Variants in GLB1 observed in about 807,000 individuals in gnomAD.
GLB1 encodes the protein galactosidase beta 1, also known as beta-galactosidase.
Under a neutral mutation model 74.0 loss-of-function variants are expected in GLB1, and 56 were observed. The ratio of observed to expected loss-of-function variants is 0.76; its 90% CI spans 0.61 to 0.94. The LOEUF is 0.94. Ranked by LOEUF, GLB1 falls within the 40% of genes least tolerant of loss-of-function variation. GLB1 has a pLI of 0.00. For synonymous variants in GLB1, 323 were observed against 323.6 expected (o/e 1.00, Z 0.02); for missense variants, 787 against 845.5 (o/e 0.93, Z 0.86).
At chr3:33,046,037 A>G (rs1698725935) in intron 10 of GLB1, 83 bp downstream of exon 10, 3 of 1,519,338 alleles carry the variant, frequency 2.0e-6, no homozygotes, top group Non-Finnish European at 2.7e-6. Flanking sequence ...GGCTCCAGGC[A>G]GGAAGTTGTC....
intron 10 of GLB1, chr3:33,037,909 G>C (rs1252247642): frequency 6.6e-6 from 1 of 151,976 alleles, no homozygotes; most frequent in East Asian, 1.9e-4. Flanking sequence ...TGTGGAAGGA[G>C]GGTACCTTGC....
At chr3:33,073,561 G>A (rs781477730) in intron 1 of GLB1, among the ~76,000 whole-genome samples, 3 of 152,032 alleles carry the variant, frequency 2.0e-5, no homozygotes, top group African/African-American at 4.8e-5. Context: ...GGTGGTGCAC[G>A]TCTATAATCC....
At chr3:33,015,862 T>C (rs564836739) in intron 14 of GLB1, among the ~76,000 whole-genome samples, 3 of 152,326 alleles carry the variant, frequency 2.0e-5, no homozygotes, top group African/African-American at 7.2e-5. Context: ...ATTGTTCCCT[T>C]GATAAGGCAT....
intron 5 of GLB1, among the ~76,000 whole-genome samples, chr3:33,059,803 T>A (rs1031587226): frequency 6.6e-6 from 1 of 152,164 alleles, no homozygotes; most frequent in African/African-American, 2.4e-5. Context: ...ATTTCATTTA[T>A]AAAAAATTAA....
At chr3:33,027,188 G>A (rs1697801989) in intron 10 of GLB1, among the ~76,000 whole-genome samples, 2 of 152,214 alleles carry the variant, frequency 1.3e-5, no homozygotes, top group African/African-American at 4.8e-5. Flanking sequence ...CCTGATGCCA[G>A]CCAGAGAAGC....
chr3:33,003,484 T>C (rs1696660385), intron 15 of GLB1, among the ~76,000 whole-genome samples: 1 of 152,240 alleles, frequency 6.6e-6, no homozygotes, highest in Non-Finnish European at 1.5e-5. Flanking sequence ...ACAAGTTTTG[T>C]TGCTAAATTA....
intron 10 of GLB1, among the ~76,000 whole-genome samples, chr3:33,044,785 C>T (rs1240467715): frequency 6.6e-6 from 1 of 151,850 alleles, no homozygotes; most frequent in Admixed American, 6.6e-5. Flanking sequence ...AGGCAGAAAA[C>T]CTTTGTTTTT....
At chr3:33,009,858 T>C (rs1696949642) in intron 15 of GLB1, among the ~76,000 whole-genome samples, 1 of 152,232 alleles carries the variant, frequency 6.6e-6, no homozygotes, top group African/African-American at 2.4e-5. Flanking sequence ...AATGGAGTCA[T>C]ACAATACATA....
Position 33,090,692 on chromosome 3 carries a change from A to T in GLB1, c.75+6319T>A, listed in dbSNP as rs1402733412. On this transcript the variant is annotated intron_variant, in intron 1 of 15. Coordinates refer to ENST00000307363, the MANE Select transcript of GLB1 (RefSeq NM_000404.4). ...TCATGGAGACCTGCCCACCAGGGCC[A>T]GAATCTGGACAGTGATGGAGAAATT... 3.0e-6 allele frequency: 3 copies of T among 985,352 alleles called. No homozygotes were observed. In the African/African-American group the frequency reaches 5.2e-5, roughly 17 times the overall value. 61.0% of individuals were successfully genotyped at this position (985,352 alleles called of 1,614,324 possible). A position where few individuals can be genotyped will look rare whatever the true frequency, so the allele number is the denominator to read the frequency against.
intron 14 of GLB1, among the ~76,000 whole-genome samples, chr3:33,016,120 G>C (rs1022750191): frequency 6.6e-6 from 1 of 152,190 alleles, no homozygotes; most frequent in Non-Finnish European, 1.5e-5. Context: ...TTTGCCACAG[G>C]CTAACCATCC....
chr3:33,062,306 C>T (rs1045824475), intron 5 of GLB1, among the ~76,000 whole-genome samples: 7 of 151,986 alleles, frequency 4.6e-5, no homozygotes, highest in African/African-American at 1.7e-4. Context: ...TGGCTGGGAA[C>T]ACGGGTGCAT....
intron 12 of GLB1, among the ~76,000 whole-genome samples, chr3:33,019,485 C>T (rs1165685377): frequency 6.6e-6 from 1 of 152,082 alleles, no homozygotes; most frequent in Non-Finnish European, 1.5e-5. Context: ...AGAAAAGTTT[C>T]CCTACTTCTA....
At position 33,053,481 on chromosome 3, in the gene GLB1, C is replaced by T. The variant is rs79518579; in HGVS notation, c.792+10G>A. The T allele has an allele frequency of 1.5e-4, 239 of 1,613,958 alleles. No homozygotes were observed. The highest frequency in any genetic ancestry group is 1.8e-4 in the Non-Finnish European group (216 of 1,179,990). ...CAGCTGCAAACACACACCTCACCCT[C>T]GATTCTTACCAAGGGTCCTTTGGGC... On this transcript the variant is annotated intron_variant, in intron 7 of 15. Transcript: ENST00000307363.
At chr3:32,966,132 T>C in the GLB1 span, among the ~76,000 whole-genome samples, 1 of 152,216 alleles carries the variant, frequency 6.6e-6, no homozygotes, top group Non-Finnish European at 1.5e-5. Context: ...AGAGGGCCAC[T>C]GTCCTCCAGA....
chr3:33,058,067 T>G, intron 6 of GLB1, 22 bp downstream of exon 6: 7 of 1,612,784 alleles, frequency 4.3e-6, no homozygotes, highest in Non-Finnish European at 5.9e-6. Context: ...AAGCTGCAAT[T>G]TCTGTTACTA....
At chr3:32,994,971 A>T (rs1285904398), downstream of GLB1, among the ~76,000 whole-genome samples, 1 of 151,812 alleles carries the variant, frequency 6.6e-6, no homozygotes, top group Non-Finnish European at 1.5e-5. Context: ...CTTCCTGGGT[A>T]AGGGGTGGCA....
At chr3:33,068,072 G>A (rs1372852015) in intron 4 of GLB1, among the ~76,000 whole-genome samples, 158 bp downstream of exon 4, 4 of 151,972 alleles carry the variant, frequency 2.6e-5, no homozygotes, top group African/African-American at 7.3e-5. Flanking sequence ...TTTTTAGTAG[G>A]GGCGAGGTTT....
intron 9 of GLB1, among the ~76,000 whole-genome samples, chr3:33,049,548 C>G (rs1315295747): frequency 6.6e-6 from 1 of 152,164 alleles, no homozygotes; most frequent in Non-Finnish European, 1.5e-5. Context: ...TCCCGAGTAG[C>G]TGGGATTACA....
intron 1 of GLB1, 80 bp from the exon 2 acceptor site, chr3:33,072,793 C>G (rs1699934226): frequency 1.3e-6 from 2 of 1,588,022 alleles, no homozygotes; most frequent in African/African-American, 1.3e-5. Flanking sequence ...TAGCAAGTGA[C>G]TCTCTGCCTA....
Sources: allele counts gnomAD v4.1 joint callset (sites outside exome capture counted in the v4.1 genomes callset), GRCh38; gene constraint gnomAD v4.1.1; transcripts MANE v1.5; gene names NCBI Gene and HGNC (gene_info 2026-07-23, HGNC 2026-07-21).